The following ARFGEF3 variants were observed in gnomAD, a reference collection of about 807,000 sequenced individuals.
ARFGEF3 encodes ARFGEF family member 3.
A neutral mutation model predicts 221.7 loss-of-function variants in ARFGEF3; 96 were observed. The observed-to-expected ratio is 0.43, with a 90% CI of 0.37 to 0.51. The LOEUF is 0.51. Ranked by LOEUF, ARFGEF3 falls within the 20% of genes least tolerant of loss-of-function variation. The probability of loss-of-function intolerance (pLI) is 0.00; values close to 1 mark genes in which losing one functional copy is unlikely to be tolerated. For missense variants in ARFGEF3, 2,410 were observed against 2,789.9 expected (o/e 0.86, Z 3.07); for synonymous variants, 1,145 against 1,126.8 (o/e 1.02, Z -0.32).
intron 23 of ARFGEF3, among the ~76,000 whole-genome samples, chr6:138,308,224 C>T (rs779579256): frequency 2.6e-5 from 4 of 152,208 alleles, no homozygotes; most frequent in Admixed American, 6.5e-5. Context: ...AGTCTAGGCA[C>T]GGTGAACTAC....
Position 138,298,925 on chromosome 6 carries a change from C to T in ARFGEF3, c.3828+140C>T, listed in dbSNP as rs554228212. 3.6e-4 allele frequency: 246 copies of T among 689,896 alleles called. 2 individuals are homozygous for T. The highest frequency in any genetic ancestry group is 2.0e-3 in the South Asian group (97 of 47,870). The allele number at this position is 689,896 out of a possible 1,614,324, so 42.7% of individuals were successfully genotyped here. A position where few individuals can be genotyped will look rare whatever the true frequency, so the allele number is the denominator to read the frequency against. Reference sequence around the variant, plus strand: ...AACGGAGAAGTTAAGCAGGGCTGGGCGTGGTGGCTCACACCTGTAATCCCA... The same window carrying T: ...AACGGAGAAGTTAAGCAGGGCTGGGTGTGGTGGCTCACACCTGTAATCCCA... On this transcript the variant is annotated intron_variant, in intron 22 of 33. Transcript: ENST00000251691.
At position 138,335,076 on chromosome 6, in the gene ARFGEF3, G is replaced by A. The variant is rs1034672960; in HGVS notation, c.6230G>A (p.Arg2077Gln). 2.5e-6 allele frequency: 4 copies of A among 1,600,314 alleles called. No homozygotes were observed. Among genetic ancestry groups the A allele is most frequent in the Admixed American group, 1.7e-5 (1 of 58,096 alleles). Residue 2077 changes from arginine to glutamine, a missense_variant, in exon 33 of 34, where the codon CGG (arginine) becomes CAG (glutamine). Around this residue, in one of 5 missense-constraint regions of ARFGEF3, gnomAD observed 339 missense variants for 334.9 expected, o/e 1.01. Transcript: ENST00000251691. ...CACTTGATGGACCAAGGGCAAATGCGGCATTCCTTCAGCGCAGGCCCCGAG... is the reference window on the plus strand; with the variant it reads ...CACTTGATGGACCAAGGGCAAATGCAGCATTCCTTCAGCGCAGGCCCCGAG... ...PQHLMDQGQM[R>Q]HSFSAGPELL...
intron 24 of ARFGEF3, among the ~76,000 whole-genome samples, chr6:138,311,122 A>G (rs1284141085): frequency 6.6e-6 from 1 of 152,208 alleles, no homozygotes; most frequent in Admixed American, 6.5e-5. Flanking sequence ...GAGAGAGGAA[A>G]TGTTGATTGT....
Position 138,342,442 on chromosome 6 carries a change from C to G in ARFGEF3, c.*5956C>G, listed in dbSNP as rs997954689. The stretch of plus-strand genomic sequence containing the variant: ...CTATACAGCAGTCTTGCTCAATCTT[C>G]CCAGTTTCCAGTTTTATTATACCAA... On this transcript the variant is annotated 3_prime_UTR_variant, in exon 34 of 34. Transcript: ENST00000251691. The G allele has an allele frequency of 6.6e-6, 1 of 152,150 alleles. No homozygotes were observed. The highest frequency in any genetic ancestry group is 2.4e-5 in the African/African-American group (1 of 41,428). 9.4% of individuals were successfully genotyped at this position (152,150 alleles called of 1,614,324 possible).
intron 2 of ARFGEF3, among the ~76,000 whole-genome samples, chr6:138,176,611 T>C (rs1468424896): frequency 1.3e-5 from 2 of 152,204 alleles, no homozygotes; most frequent in African/African-American, 4.8e-5. Flanking sequence ...AGATTCTTTG[T>C]TTTTTTCTTT....
chr6:138,314,983 CT>C (rs1779897636), intron 26 of ARFGEF3, among the ~76,000 whole-genome samples: 2 of 152,240 alleles, frequency 1.3e-5, no homozygotes, highest in Non-Finnish European at 2.9e-5. Flanking sequence ...TCTAAAACTA[CT>C]GCAAATTTGC....
intron 2 of ARFGEF3, among the ~76,000 whole-genome samples, chr6:138,179,423 C>T (rs1777018569): frequency 6.6e-6 from 1 of 152,174 alleles, no homozygotes; most frequent in Non-Finnish European, 1.5e-5. Flanking sequence ...TAATTGCTTT[C>T]TCTTGCCAGT....
rs1224417417 is a variant in ARFGEF3 at position 138,209,991 on chromosome 6, G to A, written c.301G>A (p.Val101Met). The A allele has an allele frequency of 7.4e-6, 12 of 1,613,764 alleles. No homozygotes were observed. Among genetic ancestry groups the A allele is most frequent in the Non-Finnish European group, 1.0e-5 (12 of 1,179,818 alleles). The change falls in exon 4 of 34, where the codon GTG (valine) becomes ATG (methionine). Residue 101 changes from valine (V) to methionine (M), a missense_variant. Val to Met is a conservative substitution (Grantham distance 21). This residue lies in a region of ARFGEF3 where 570 missense variants were observed against 586.9 expected (regional missense o/e 0.97). Coordinates refer to ENST00000251691, the MANE Select transcript of ARFGEF3 (RefSeq NM_020340.5). ...GCTGCTCAATCAGATACTGAATGCC[G>A]TGAAAGTGACGCCTTCGCTCAACGA... Reference protein sequence around the residue: ...KQLLNQILNAVKVTPSLNEDL... With the variant: ...KQLLNQILNAMKVTPSLNEDL...
Position 138,261,646 on chromosome 6 carries a change from T to C in ARFGEF3, c.1217+7T>C. On this transcript the variant is annotated splice_region_variant and intron_variant, in intron 11 of 33. Transcript: ENST00000251691. ...ATCTGGATCTCCTCAAACTGTATGA[T>C]GTTTATCCTTTTAAGTCTTTATTGA... The C allele has an allele frequency of 2.0e-6, 3 of 1,499,066 alleles. No homozygotes were observed. Among genetic ancestry groups the C allele is most frequent in the Non-Finnish European group, 2.7e-6 (3 of 1,106,210 alleles). The allele number at this position is 1,499,066 out of a possible 1,614,324, so 92.9% of individuals were successfully genotyped here.
At chr6:138,251,842 TATTC>T (rs1187418169) in intron 8 of ARFGEF3, among the ~76,000 whole-genome samples, 1 of 152,108 alleles carries the variant, frequency 6.6e-6, no homozygotes, top group Non-Finnish European at 1.5e-5. Context: ...TGCGTTAAGG[TATTC>T]ATTCACAGCC....
chr6:138,259,914 T>TA (rs145154056), intron 10 of ARFGEF3, among the ~76,000 whole-genome samples: 9,927 of 149,258 alleles, frequency 0.067, 452 homozygotes, highest in South Asian at 0.22. Context: ...ATTCCATCTT[T>TA]AAAAAAAAAA....
chr6:138,212,961 T>C (rs1278677729), intron 4 of ARFGEF3, among the ~76,000 whole-genome samples: 1 of 152,062 alleles, frequency 6.6e-6, no homozygotes, highest in Non-Finnish European at 1.5e-5. Flanking sequence ...TGTATACCTA[T>C]GTAAGAAACC....
At chr6:138,209,555 T>A (rs1399191349) in intron 3 of ARFGEF3, among the ~76,000 whole-genome samples, 1 of 152,146 alleles carries the variant, frequency 6.6e-6, no homozygotes, top group Non-Finnish European at 1.5e-5. Flanking sequence ...GTTCAAGCAA[T>A]TCTCCTGCCT....
intron 20 of ARFGEF3, among the ~76,000 whole-genome samples, chr6:138,296,018 G>A (rs1779511617): frequency 6.6e-6 from 1 of 152,216 alleles, no homozygotes; most frequent in Non-Finnish European, 1.5e-5. Flanking sequence ...CAGGGAGAGA[G>A]CGGGGAAGAT....
chr6:138,314,660 G>A (rs1779888622), intron 26 of ARFGEF3, among the ~76,000 whole-genome samples: 1 of 152,174 alleles, frequency 6.6e-6, no homozygotes, highest in Admixed American at 6.5e-5. Context: ...GCATAGGATA[G>A]ACATTCACGT....
In ARFGEF3 at chr6:138,263,238, G is replaced by A; in HGVS notation, c.1755G>A (p.Arg585=). The change falls in exon 12 of 34, where the codon AGG becomes AGA. Residue 585 remains arginine (R), a synonymous_variant. Transcript: ENST00000251691. ...TCCTGTCAGTAGACTGCAGGACAAG[G>A]TCCTATGGATCTAGGTATAGTGAGA... ...TNFLSVDCRT[R]SYGSRYSESN... 1 of 1,614,016 alleles carries A rather than the reference G, an allele frequency of 6.2e-7. No individual in the cohort carries two copies. Among genetic ancestry groups the A allele is most frequent in the Non-Finnish European group, 8.5e-7 (1 of 1,179,896 alleles).
chr6:138,313,695 T>C, intron 25 of ARFGEF3, 100 bp from the exon 26 acceptor site: 1 of 944,648 alleles, frequency 1.1e-6, no homozygotes, highest in Non-Finnish European at 1.6e-6. Flanking sequence ...TAGTTTCCCA[T>C]CTCCTTTTAG....
At chr6:138,226,313 G>T (rs988196428) in intron 4 of ARFGEF3, among the ~76,000 whole-genome samples, 1 of 152,086 alleles carries the variant, frequency 6.6e-6, no homozygotes, top group South Asian at 2.1e-4. Context: ...AATCAGCTTT[G>T]CTTTCTCCTT....
intron 3 of ARFGEF3, among the ~76,000 whole-genome samples, chr6:138,209,142 G>A (rs1378448005): frequency 1.3e-5 from 2 of 152,168 alleles, no homozygotes; most frequent in East Asian, 3.8e-4. Flanking sequence ...CATACATGAA[G>A]ATTTCTGGAT....
Sources: gnomAD v4.1 joint callset for allele counts (sites outside exome capture counted in the v4.1 genomes callset) on GRCh38, gnomAD v4.1.1 for gene constraint, gnomAD v4.1.1 regional missense constraint, MANE v1.5 for transcripts, NCBI Gene and HGNC (gene_info 2026-07-23, HGNC 2026-07-21) for gene names.